The following OSBPL10 variants were observed in gnomAD, a reference collection of about 807,000 sequenced individuals.
The protein encoded by OSBPL10 is oxysterol binding protein like 10.
A neutral mutation model predicts 81.7 loss-of-function variants in OSBPL10; 49 were observed. The observed-to-expected ratio is 0.60, with a 90% CI of 0.48 to 0.76. The LOEUF (loss-of-function observed/expected upper bound fraction) is 0.76, where lower values mean the gene tolerates loss of function less well. Among genes scored for constraint, OSBPL10 ranks in the 30% least tolerant of loss-of-function variants. OSBPL10 has a pLI of 0.00. For missense variants in OSBPL10, 923 were observed against 987.8 expected (o/e 0.93, Z 0.88); for synonymous variants, 419 against 383.6 (o/e 1.09, Z -1.08).
At position 32,065,792 on chromosome 3, in the gene OSBPL10, G is replaced by A. The variant is rs1175790474; in HGVS notation, n.185+11604C>T. On this transcript the variant is annotated intron_variant and non_coding_transcript_variant, in intron 1 of 3. Coordinates refer to the OSBPL10 transcript ENST00000479173. ...AGCTACTTGGGAGGCTGAAGCCAAA[G>A]GATCGCTTGAGCCCAGGAGGCCTAG... Among the ~76,000 whole-genome samples the A allele has an allele frequency of 2.2e-5, 2 of 89,102 alleles. 1 individual carries two copies. The highest frequency in any genetic ancestry group is 5.9e-5 in the Non-Finnish European group (2 of 33,776). The allele number at this position is 89,102 out of a possible 152,430, so 58.5% of individuals were successfully genotyped here. A position where few individuals can be genotyped will look rare whatever the true frequency, so the allele number is the denominator to read the frequency against.
intron 3 of OSBPL10, among the ~76,000 whole-genome samples, chr3:31,854,968 T>C (rs1700872183): frequency 6.6e-6 from 1 of 151,980 alleles, no homozygotes; most frequent in African/African-American, 2.4e-5. Flanking sequence ...TAAAATCAGA[T>C]CTAGTTTAGG....
At chr3:31,848,381 A>G (rs1467536811) in intron 3 of OSBPL10, among the ~76,000 whole-genome samples, 2 of 151,824 alleles carry the variant, frequency 1.3e-5, no homozygotes, top group Non-Finnish European at 2.9e-5. Context: ...GGCAAGTTCA[A>G]GGTCACGGTG....
chr3:31,971,725 A>G (rs1204249144), intron 1 of OSBPL10, among the ~76,000 whole-genome samples: 4 of 151,842 alleles, frequency 2.6e-5, no homozygotes, highest in Admixed American at 2.6e-4. Flanking sequence ...TGATCAAACT[A>G]CATCTCACAG....
At chr3:31,833,623 T>C (rs921966056) in intron 3 of OSBPL10, among the ~76,000 whole-genome samples, 6 of 151,640 alleles carry the variant, frequency 4.0e-5, no homozygotes, top group African/African-American at 1.2e-4. Flanking sequence ...GTCAGACTGG[T>C]CAGAAGCCCA....
chr3:32,022,693 A>C (rs1559550896), intron 2 of OSBPL10, among the ~76,000 whole-genome samples: 1 of 152,088 alleles, frequency 6.6e-6, no homozygotes, highest in Non-Finnish European at 1.5e-5. Flanking sequence ...TGGGAGGATC[A>C]CTTGAGCCCG....
chr3:31,969,237 A>T lies in OSBPL10; in HGVS notation c.281+11662T>A, dbSNP rs151104848. ...GGGAGGCCTCTGCATAAATCAAGAC[A>T]TCTGTCAGCACTTACAAATAATCAC... On this transcript the variant is annotated intron_variant, in intron 1 of 11. Coordinates refer to ENST00000396556, the MANE Select transcript of OSBPL10 (RefSeq NM_017784.5). 6.8e-3 allele frequency among the ~76,000 whole-genome samples: 1,043 copies of T among 152,284 alleles called. 15 individuals are homozygous for T. Among genetic ancestry groups the T allele is most frequent in the African/African-American group, 0.023 (974 of 41,562 alleles).
intron 2 of OSBPL10, among the ~76,000 whole-genome samples, chr3:31,878,690 A>T (rs1701542578): frequency 6.6e-6 from 1 of 152,202 alleles, no homozygotes; most frequent in South Asian, 2.1e-4. Context: ...CCGTTTCTTC[A>T]TACTTAGCTC....
intron 4 of OSBPL10, among the ~76,000 whole-genome samples, chr3:31,786,386 C>T (rs753933134): frequency 4.9e-4 from 75 of 152,228 alleles, no homozygotes; most frequent in Non-Finnish European, 1.0e-3. Context: ...CATCTCAGTC[C>T]ACTTGGGCTG....
intron 2 of OSBPL10, among the ~76,000 whole-genome samples, chr3:32,006,446 G>A (rs529523744): frequency 7.4e-4 from 113 of 152,204 alleles, no homozygotes; most frequent in Admixed American, 3.9e-3. Context: ...ATTCTTAATC[G>A]TGGTCTAATA....
At chr3:31,950,028 T>C (rs1697824900) in intron 1 of OSBPL10, among the ~76,000 whole-genome samples, 1 of 152,114 alleles carries the variant, frequency 6.6e-6, no homozygotes, top group African/African-American at 2.4e-5. Flanking sequence ...TTATGTAGGC[T>C]TGTATTAGCT....
In OSBPL10 at chr3:31,766,333, T is replaced by G. The variant is rs1458914609; in HGVS notation, c.730-18213A>C. 6.9e-4 allele frequency among the ~76,000 whole-genome samples: 33 copies of G among 47,486 alleles called. 1 individual carries two copies. Among genetic ancestry groups the G allele is most frequent in the Middle Eastern group, 0.014 (1 of 70 alleles). 31.2% of individuals were successfully genotyped at this position (47,486 alleles called of 152,430 possible). Reference sequence around the variant, plus strand: ...TTGGCCCAATGTAGTTTTTTTGTTTTTTTGTTTTTTTTTGTTTTTTTTTTG... The same window carrying G: ...TTGGCCCAATGTAGTTTTTTTGTTTGTTTGTTTTTTTTTGTTTTTTTTTTG... On this transcript the variant is annotated intron_variant, in intron 4 of 11. Coordinates refer to ENST00000396556, the MANE Select transcript of OSBPL10 (RefSeq NM_017784.5).
intron 3 of OSBPL10, among the ~76,000 whole-genome samples, chr3:31,875,841 G>A (rs2125630634): frequency 6.6e-6 from 1 of 152,100 alleles, no homozygotes; most frequent in East Asian, 1.9e-4. Context: ...CTAGATAAAT[G>A]CATTTTGAAA....
At chr3:31,893,436 C>T (rs1019804416) in intron 1 of OSBPL10, among the ~76,000 whole-genome samples, 1 of 152,166 alleles carries the variant, frequency 6.6e-6, no homozygotes, top group African/African-American at 2.4e-5. Flanking sequence ...TATGGAGAAA[C>T]TGGAACCTTT....
At chr3:31,878,431 A>G (rs899848161) in intron 2 of OSBPL10, among the ~76,000 whole-genome samples, 1 of 151,590 alleles carries the variant, frequency 6.6e-6, no homozygotes, top group African/African-American at 2.4e-5. Context: ...TCAAGAGAAC[A>G]TGAATCTTAT....
At chr3:31,921,505 G>A (rs557669447) in intron 1 of OSBPL10, among the ~76,000 whole-genome samples, 140 of 152,230 alleles carry the variant, frequency 9.2e-4, no homozygotes, top group Non-Finnish European at 1.2e-3. Context: ...AAGAGCCTCC[G>A]ATGGCCAACA....
At chr3:31,832,770 T>A (rs1369265020) in intron 3 of OSBPL10, among the ~76,000 whole-genome samples, 1 of 152,096 alleles carries the variant, frequency 6.6e-6, no homozygotes, top group Non-Finnish European at 1.5e-5. Context: ...GAAGCCTGAG[T>A]AGGCTTTGGG....
chr3:31,861,540 C>A (rs2125597773), intron 3 of OSBPL10, among the ~76,000 whole-genome samples: 1 of 152,228 alleles, frequency 6.6e-6, no homozygotes, highest in Non-Finnish European at 1.5e-5. Flanking sequence ...ATACAGATGA[C>A]TGATTGTCTA....
intron 1 of OSBPL10, among the ~76,000 whole-genome samples, chr3:31,950,476 C>A (rs184849621): frequency 1.3e-5 from 2 of 152,308 alleles, no homozygotes; most frequent in East Asian, 3.9e-4. Context: ...AGAAAAGGTG[C>A]AGAACAATGC....
intron 3 of OSBPL10, among the ~76,000 whole-genome samples, chr3:31,854,928 G>C (rs1399623558): frequency 6.6e-6 from 1 of 152,174 alleles, no homozygotes; most frequent in African/African-American, 2.4e-5. Flanking sequence ...CCTATCTACT[G>C]TCTGTATTCC....
Sources: allele counts gnomAD v4.1 joint callset (sites outside exome capture counted in the v4.1 genomes callset), GRCh38; gene constraint gnomAD v4.1.1; transcripts MANE v1.5; gene names NCBI Gene and HGNC (gene_info 2026-07-23, HGNC 2026-07-21).